Variants in PLXNA3 observed in about 807,000 individuals in gnomAD.
PLXNA3 encodes the protein plexin A3.
In PLXNA3, 52 loss-of-function variants were observed where a neutral mutation model predicts 118.8. The observed-to-expected ratio is 0.44, with a 90% confidence interval of 0.35 to 0.55. The LOEUF is 0.55. Among genes scored for constraint, PLXNA3 ranks in the 20% least tolerant of loss-of-function variants. The pLI is 0.01. For synonymous variants in PLXNA3, 925 were observed against 762.4 expected (o/e 1.21, Z -3.51); for missense variants, 1,660 against 1,730.8 (o/e 0.96, Z 0.73).
intron 12 of PLXNA3, 36 bp from the exon 13 acceptor site, chrX:154,465,621 T>A (rs1557206703): frequency 5.0e-6 from 6 of 1,194,349 alleles, no homozygotes; most frequent in Non-Finnish European, 6.8e-6. Flanking sequence ...TTTCTGCCAC[T>A]GCCTGCTCCG....
chrX:154,460,126 C>T, intron 1 of PLXNA3, 31 bp from the exon 2 acceptor site: 1 of 824,316 alleles, frequency 1.2e-6, no homozygotes. Context: ...TGGCTCGAGG[C>T]CTCTGACTCC....
chrX:154,462,042 GCT>G, intron 3 of PLXNA3, 84 bp from the exon 4 acceptor site: 1 of 809,441 alleles, frequency 1.2e-6, no homozygotes, highest in East Asian at 3.4e-5. Context: ...TCTAGATCCC[GCT>G]CTCTTCTGGG....
Position 154,465,516 on chromosome X carries a change from C to T in PLXNA3, c.2337C>T (p.Phe779=), listed in dbSNP as rs372560673. 3 of 1,201,788 alleles carry T rather than the reference C, an allele frequency of 2.5e-6. No individual in the cohort carries two copies. The highest frequency in any genetic ancestry group is 2.3e-6 in the Non-Finnish European group (2 of 886,557). ...GDFPIDKPPS[F]RALLYKCWAQ... ...TCCCCATAGACAAGCCTCCCAGCTT[C>T]CGAGGTGAAGGCATGGGCCAGGGAG... The change falls in exon 12 of 33, where the codon TTC becomes TTT. Residue 779 remains phenylalanine, a synonymous_variant. Transcript: ENST00000369682.
chrX:154,460,057 C>A, intron 1 of PLXNA3, 100 bp from the exon 2 acceptor site: 1 of 483,505 alleles, frequency 2.1e-6, no homozygotes, highest in Non-Finnish European at 3.5e-6. Flanking sequence ...TCCTCTCTCC[C>A]TGTCACGGTG....
At position 154,466,189 on chromosome X, in the gene PLXNA3, G is replaced by A. The variant is rs781980926; in HGVS notation, c.2718G>A (p.Pro906=). ...TGGAGGAGTCGCTGGTGCCCAGCCCGCCGCCGGGGCCCGTGGAGCTGTGTG... is the reference window on the plus strand; with the variant it reads ...TGGAGGAGTCGCTGGTGCCCAGCCCACCGCCGGGGCCCGTGGAGCTGTGTG... ...CEMEESLVPS[P]PPGPVELCVG... The change falls in exon 15 of 33, where the codon CCG becomes CCA. Residue 906 remains proline, a synonymous_variant. Transcript: ENST00000369682. 4.8e-5 allele frequency: 58 copies of A among 1,208,636 alleles called. No individual in the cohort carries two copies. Among genetic ancestry groups the A allele is most frequent in the Non-Finnish European group, 6.0e-5 (54 of 895,188 alleles).
chrX:154,460,189 C>G lies in PLXNA3; in HGVS notation c.6C>G (p.Pro2=), dbSNP rs782516007. 2 of 1,200,546 alleles carry G rather than the reference C, an allele frequency of 1.7e-6. No homozygotes were observed. Among genetic ancestry groups the G allele is most frequent in the African/African-American group, 1.7e-5 (1 of 57,761 alleles). Residue 2 remains proline, a synonymous_variant, in exon 2 of 33, where the codon CCC becomes CCG. Coordinates refer to ENST00000369682, the MANE Select transcript of PLXNA3 (RefSeq NM_017514.5). M[P]SVCLLLLLFL... ...CCCAGGCGCGGCTGCCGGCCATGCC[C>G]TCTGTCTGCCTCCTCCTGCTGCTCT... is the stretch of plus-strand genomic sequence containing the variant.
rs782464424 is a variant in PLXNA3 at position 154,466,057 on chromosome X, G to C, written c.2655G>C (p.Pro885=). 3 of 1,209,363 alleles carry C rather than the reference G, an allele frequency of 2.5e-6. No homozygotes were observed. The highest frequency in any genetic ancestry group is 4.7e-4 in the Middle Eastern group (2 of 4,233). The change falls in exon 14 of 33, where the codon CCG becomes CCC. Residue 885 remains proline, a synonymous_variant. Transcript: ENST00000369682. ...RVAGVRCNSI[P]AEYISAERIV... ...CTGGCGTGCGTTGCAACTCCATTCC[G>C]GCCGAGTACATCAGTGCTGAGAGGT... is the stretch of plus-strand genomic sequence containing the variant.
At position 154,462,938 on chromosome X, in the gene PLXNA3, G is replaced by A. The variant is rs782205698; in HGVS notation, c.1318-453G>A. ...GGAGGGCAAGTGTTGGTCTGGGGGC[G>A]CAGGGAAGGGTTTGTGGAGAAGGAT... On this transcript the variant is annotated intron_variant, in intron 4 of 32. Transcript: ENST00000369682. Among the ~76,000 whole-genome samples the A allele has an allele frequency of 9.9e-5, 11 of 111,303 alleles. No homozygotes were observed. The South Asian group carries it at 1.1e-3, about 11-fold the overall frequency.
In PLXNA3 at chrX:154,477,709, C is replaced by T; in HGVS notation, c.*5024C>T. The T allele has an allele frequency of 3.2e-6, 1 of 314,588 alleles. No individual in the cohort carries two copies. The highest frequency in any genetic ancestry group is 5.5e-6 in the Non-Finnish European group (1 of 180,481). The allele number at this position is 314,588 out of a possible 1,213,427, so 25.9% of individuals were successfully genotyped here. A position where few individuals can be genotyped will look rare whatever the true frequency, so the allele number is the denominator to read the frequency against. On this transcript the variant is annotated 3_prime_UTR_variant, in exon 33 of 33. Coordinates refer to ENST00000369682, the MANE Select transcript of PLXNA3 (RefSeq NM_017514.5). ...ATATCTGAATTCTAGAACCCCCCCC[C>T]CAGCAACCCAAGCACAACAAGAATA...
rs371910096 is a variant in PLXNA3 at position 154,466,026 on chromosome X, G to A, written c.2624G>A (p.Arg875Gln). Reference sequence around the variant, plus strand: ...CTCTTGTCCCGAGAGGTGGGCCTGCGGGTGGCTGGCGTGCGTTGCAACTCC... The same window carrying A: ...CTCTTGTCCCGAGAGGTGGGCCTGCAGGTGGCTGGCGTGCGTTGCAACTCC... ...LGLLSREVGLRVAGVRCNSIP... is the reference protein window; with the variant it reads ...LGLLSREVGLQVAGVRCNSIP... Residue 875 changes from arginine to glutamine, a missense_variant, in exon 14 of 33, where the codon CGG (arginine) becomes CAG (glutamine). Coordinates refer to ENST00000369682, the MANE Select transcript of PLXNA3 (RefSeq NM_017514.5). The A allele has an allele frequency of 1.3e-5, 16 of 1,209,132 alleles. No homozygotes were observed. The highest frequency in any genetic ancestry group is 2.3e-4 in the Middle Eastern group (1 of 4,327).
rs1384207252 is a variant in PLXNA3 at position 154,474,444 on chromosome X, G to C, written c.*1759G>C. On this transcript the variant is annotated 3_prime_UTR_variant, in exon 33 of 33. Transcript: ENST00000369682. The stretch of plus-strand genomic sequence containing the variant: ...ATTACAGGCATGAGCCACTGTGCCC[G>C]GCCAGGTGAGATGGAATCTTATTTT... 9.4e-6 allele frequency: 1 copy of C among 106,520 alleles called. No homozygotes were observed. Among genetic ancestry groups the C allele is most frequent in the African/African-American group, 3.4e-5 (1 of 29,024 alleles). The allele number at this position is 106,520 out of a possible 1,213,427, so 8.8% of individuals were successfully genotyped here.
chrX:154,460,764 A>C lies in PLXNA3; in HGVS notation c.581A>C (p.Asp194Ala). ...CTCATCAGTGATGAAGACAGCGCGGACATGTTCAGTCTCGTGCGTGAGCCT... is the reference window on the plus strand; with the variant it reads ...CTCATCAGTGATGAAGACAGCGCGGCCATGTTCAGTCTCGTGCGTGAGCCT... ...RKLISDEDSADMFSLVYQDEF... is the reference protein window; with the variant it reads ...RKLISDEDSAAMFSLVYQDEF... Residue 194 changes from aspartate (D) to alanine (A), a missense_variant, in exon 2 of 33, where the codon GAC becomes GCC. Coordinates refer to ENST00000369682, the MANE Select transcript of PLXNA3 (RefSeq NM_017514.5). 8.9e-7 allele frequency: 1 copy of C among 1,117,423 alleles called. No homozygotes were observed. The highest frequency in any genetic ancestry group is 1.2e-6 in the Non-Finnish European group (1 of 851,247). The allele number at this position is 1,117,423 out of a possible 1,213,427, so 92.1% of individuals were successfully genotyped here. A position where few individuals can be genotyped will look rare whatever the true frequency, so the allele number is the denominator to read the frequency against.
chrX:154,477,655 A>G lies in PLXNA3; in HGVS notation c.*4970A>G. The G allele has an allele frequency of 3.5e-6, 1 of 282,561 alleles. No homozygotes were observed. The highest frequency in any genetic ancestry group is 6.2e-6 in the Non-Finnish European group (1 of 160,151). The allele number at this position is 282,561 out of a possible 1,213,427, so 23.3% of individuals were successfully genotyped here. Reference sequence around the variant, plus strand: ...ATTTTCATTTTCTTCCATTTCCTAAATTGTCTTCAATTTCCTTGTACTCCT... The same window carrying G: ...ATTTTCATTTTCTTCCATTTCCTAAGTTGTCTTCAATTTCCTTGTACTCCT... On this transcript the variant is annotated 3_prime_UTR_variant, in exon 33 of 33. Transcript: ENST00000369682.
At chrX:154,465,321 C>T (rs1365136411) in intron 11 of PLXNA3, 103 bp downstream of exon 11, 2 of 1,040,989 alleles carry the variant, frequency 1.9e-6, no homozygotes, top group Non-Finnish European at 2.7e-6. Context: ...TCTGAGTCTC[C>T]TGCTAGGGAT....
At chrX:154,466,324 C>T (rs782301555) in intron 15 of PLXNA3, 52 bp from the exon 16 acceptor site, 9 of 1,209,818 alleles carry the variant, frequency 7.4e-6, no homozygotes, top group Middle Eastern at 2.3e-4. Flanking sequence ...CCGCAAGGGG[C>T]GTGTGGAGCA....
Position 154,460,374 on chromosome X carries a change from G to C in PLXNA3, c.191G>C (p.Arg64Pro). 1 of 1,209,990 alleles carries C rather than the reference G, an allele frequency of 8.3e-7. No homozygotes were observed. Among genetic ancestry groups the C allele is most frequent in the Non-Finnish European group, 1.1e-6 (1 of 894,653 alleles). Residue 64 changes from arginine to proline, a missense_variant, in exon 2 of 33, where the codon CGG (arginine) becomes CCG (proline). Arg to Pro is a moderately radical substitution (Grantham distance 103). Around this residue, in one of 2 missense-constraint regions of PLXNA3, gnomAD observed 791 missense variants for 652.1 expected, o/e 1.21. Transcript: ENST00000369682. ...FKLAPNLTEL[R>P]AHVTGPVEDN... ...CTGGCCCCCAACCTGACTGAGCTGC[G>C]GGCCCATGTCACGGGGCCCGTCGAG... is the stretch of plus-strand genomic sequence containing the variant.
intron 5 of PLXNA3, 27 bp from the exon 6 acceptor site, chrX:154,463,563 G>GGGGC: frequency 3.0e-6 from 3 of 990,578 alleles, no homozygotes; most frequent in South Asian, 2.1e-5. Flanking sequence ...GCGGGGGTGG[G>GGGGC]CTGGGTGCTG....
At chrX:154,463,272 G>A (rs1557205433) in intron 4 of PLXNA3, 119 bp from the exon 5 acceptor site, 1 of 1,037,360 alleles carries the variant, frequency 9.6e-7, no homozygotes, top group African/African-American at 1.9e-5. Flanking sequence ...GGGTGTGAGT[G>A]CTGAACCCCA....
rs182478033 is a variant in PLXNA3, at chrX:154,460,899, G to A, written c.594+122G>A. The A allele has an allele frequency of 8.0e-4, 515 of 644,716 alleles. 5 individuals are homozygous for A. The East Asian group carries it at 0.016, about 20-fold the overall frequency. The allele number at this position is 644,716 out of a possible 1,213,427, so 53.1% of individuals were successfully genotyped here. A position where few individuals can be genotyped will look rare whatever the true frequency, so the allele number is the denominator to read the frequency against. On this transcript the variant is annotated intron_variant, in intron 2 of 32. Coordinates refer to ENST00000369682, the MANE Select transcript of PLXNA3 (RefSeq NM_017514.5). ...GTGTCTGGGATGCAGACAGGTTGCG[G>A]AGGGTGGGATGACAGCCTGAACCCA... is the stretch of plus-strand genomic sequence containing the variant.
Sources: allele counts gnomAD v4.1 joint callset (sites outside exome capture counted in the v4.1 genomes callset), GRCh38; gene constraint gnomAD v4.1.1; regional missense constraint gnomAD v4.1.1; transcripts MANE v1.5; gene names NCBI Gene and HGNC (gene_info 2026-07-23, HGNC 2026-07-21).